Variants in HS3ST2 observed in about 807,000 individuals in gnomAD.
HS3ST2 encodes heparan sulfate-glucosamine 3-sulfotransferase 2.
In HS3ST2, 17 loss-of-function variants were observed where a neutral mutation model predicts 26.3. The observed-to-expected ratio is 0.65, with a 90% CI of 0.44 to 0.97. HS3ST2 has a LOEUF of 0.97. Ranked by LOEUF, HS3ST2 falls within the 50% of genes least tolerant of loss-of-function variation. The pLI is 0.00. For missense variants in HS3ST2, 402 were observed against 501.2 expected (o/e 0.80, Z 1.89); for synonymous variants, 237 against 219.2 (o/e 1.08, Z -0.72).
chr16:22,861,705 T>C (rs1901676504), intron 1 of HS3ST2, among the ~76,000 whole-genome samples: 1 of 152,162 alleles, frequency 6.6e-6, no homozygotes, highest in South Asian at 2.1e-4. Context: ...AATAATACAA[T>C]GCACATCTCT....
chr16:22,908,859 G>T (rs752250779), intron 1 of HS3ST2, among the ~76,000 whole-genome samples: 3 of 152,076 alleles, frequency 2.0e-5, no homozygotes, highest in African/African-American at 7.2e-5. Context: ...TCAAACGATC[G>T]CAAGAGGCCA....
chr16:22,842,156 G>A (rs941449545), intron 1 of HS3ST2, among the ~76,000 whole-genome samples: 4 of 150,486 alleles, frequency 2.7e-5, no homozygotes, highest in Non-Finnish European at 4.4e-5. Flanking sequence ...CCACCTCCTG[G>A]GTCCAAGTGA....
intron 1 of HS3ST2, among the ~76,000 whole-genome samples, chr16:22,866,365 T>TGTGC (rs1430182217): frequency 6.9e-4 from 71 of 103,020 alleles, no homozygotes; most frequent in Middle Eastern, 5.2e-3. Flanking sequence ...GACAATATGG[T>TGTGC]GTGCGTGTGT....
intron 1 of HS3ST2, among the ~76,000 whole-genome samples, chr16:22,888,808 A>G (rs1039767634): frequency 6.6e-6 from 1 of 152,208 alleles, no homozygotes; most frequent in Admixed American, 6.5e-5. Context: ...AACCAAATTA[A>G]TGTGGGCTTA....
chr16:22,854,110 A>G (rs1187653769), intron 1 of HS3ST2, among the ~76,000 whole-genome samples: 2 of 152,112 alleles, frequency 1.3e-5, no homozygotes, highest in African/African-American at 4.8e-5. Context: ...ATATCTGAGA[A>G]TATCTTCCCG....
chr16:22,893,622 T>A (rs559159803), intron 1 of HS3ST2, among the ~76,000 whole-genome samples: 2 of 123,472 alleles, frequency 1.6e-5, no homozygotes, highest in African/African-American at 6.2e-5. Flanking sequence ...TTCTTTTTTC[T>A]TTTTTTCTTT....
intron 1 of HS3ST2, among the ~76,000 whole-genome samples, chr16:22,861,168 T>C (rs996680936): frequency 6.6e-6 from 1 of 152,180 alleles, no homozygotes; most frequent in Non-Finnish European, 1.5e-5. Flanking sequence ...TGAGCCACTA[T>C]ACTCGGCCTA....
intron 1 of HS3ST2, among the ~76,000 whole-genome samples, chr16:22,904,480 G>A (rs1010231389): frequency 1.3e-5 from 2 of 152,112 alleles, no homozygotes; most frequent in African/African-American, 4.8e-5. Context: ...TCTATAGTGG[G>A]TACCATGGAA....
intron 1 of HS3ST2, among the ~76,000 whole-genome samples, chr16:22,904,037 T>C (rs1218300300): frequency 6.6e-6 from 1 of 152,182 alleles, no homozygotes; most frequent in Non-Finnish European, 1.5e-5. Flanking sequence ...TGATTGGATT[T>C]AGATACCAGC....
chr16:22,893,461 C>T lies in HS3ST2; in HGVS notation c.486-21483C>T, dbSNP rs1359232149. On this transcript the variant is annotated intron_variant, in intron 1 of 1. Coordinates refer to ENST00000261374, the MANE Select transcript of HS3ST2 (RefSeq NM_006043.2). ...CTTCCTGATTTCTTAAGATTATCAGCTTTTGTCCTTAATGAGTAATAGATG... is the reference window on the plus strand; with the variant it reads ...CTTCCTGATTTCTTAAGATTATCAGTTTTTGTCCTTAATGAGTAATAGATG... 1.9e-4 allele frequency among the ~76,000 whole-genome samples: 29 copies of T among 152,084 alleles called. 1 individual carries two copies. The highest frequency in any genetic ancestry group is 1.9e-3 in the Admixed American group (29 of 15,262).
intron 1 of HS3ST2, among the ~76,000 whole-genome samples, chr16:22,821,406 A>G (rs755126104): frequency 1.5e-4 from 23 of 151,178 alleles, no homozygotes; most frequent in Non-Finnish European, 2.5e-4. Context: ...ACCTCTATGA[A>G]TCATTCCTGT....
chr16:22,862,520 C>G lies in HS3ST2; in HGVS notation c.485+47425C>G, dbSNP rs372106171. Among the ~76,000 whole-genome samples, 10 of 152,262 alleles carry G rather than the reference C, an allele frequency of 6.6e-5. No individual in the cohort carries two copies. In the South Asian group the frequency reaches 2.1e-3, roughly 32 times the overall value. The stretch of plus-strand genomic sequence containing the variant: ...GCTCCTGCAGCATGTGAGCTTCACC[C>G]GCCCTGGACTATTGGATCATTTGGA... On this transcript the variant is annotated intron_variant, in intron 1 of 1. Coordinates refer to ENST00000261374, the MANE Select transcript of HS3ST2 (RefSeq NM_006043.2).
chr16:22,852,945 T>A (rs1181854957), intron 1 of HS3ST2, among the ~76,000 whole-genome samples: 1 of 151,968 alleles, frequency 6.6e-6, no homozygotes, highest in African/African-American at 2.4e-5. Context: ...CTGACTAATC[T>A]CACGAAAGAA....
At chr16:22,873,910 T>A (rs1901873142) in intron 1 of HS3ST2, among the ~76,000 whole-genome samples, 1 of 152,176 alleles carries the variant, frequency 6.6e-6, no homozygotes, top group South Asian at 2.1e-4. Context: ...GGAGGCCCCA[T>A]CTCTGAGTGA....
chr16:22,887,115 C>T (rs1486587309), intron 1 of HS3ST2, among the ~76,000 whole-genome samples: 2 of 152,126 alleles, frequency 1.3e-5, no homozygotes, highest in Non-Finnish European at 2.9e-5. Flanking sequence ...AGTGATTTAT[C>T]GTGTGCACCT....
At chr16:22,882,983 A>C (rs1902010870) in intron 1 of HS3ST2, among the ~76,000 whole-genome samples, 1 of 151,036 alleles carries the variant, frequency 6.6e-6, no homozygotes, top group Admixed American at 6.6e-5. Context: ...GTGAGCTGAC[A>C]TTGTGCCACT....
chr16:22,847,353 A>G (rs1326410884), intron 1 of HS3ST2, among the ~76,000 whole-genome samples: 2 of 152,188 alleles, frequency 1.3e-5, no homozygotes, highest in Non-Finnish European at 2.9e-5. Flanking sequence ...GTGTATATAT[A>G]TACCACACCT....
chr16:22,888,128 T>G (rs1326580186), intron 1 of HS3ST2, among the ~76,000 whole-genome samples: 2 of 152,210 alleles, frequency 1.3e-5, no homozygotes, highest in East Asian at 3.9e-4. Context: ...TTGGCTTCCT[T>G]TCTGACCTAC....
chr16:22,832,128 A>C (rs948958009), intron 1 of HS3ST2, among the ~76,000 whole-genome samples: 1 of 146,954 alleles, frequency 6.8e-6, no homozygotes, highest in Non-Finnish European at 1.5e-5. Flanking sequence ...GACCACAGGC[A>C]TGTGCTACCA....
Sources: allele counts gnomAD v4.1 joint callset (sites outside exome capture counted in the v4.1 genomes callset), GRCh38; gene constraint gnomAD v4.1.1; transcripts MANE v1.5; gene names NCBI Gene and HGNC (gene_info 2026-07-23, HGNC 2026-07-21).